Variants in PTPN11 observed in about 807,000 individuals in gnomAD.
The protein encoded by PTPN11 is protein tyrosine phosphatase non-receptor type 11.
PTPN11 carries 6 observed loss-of-function variants against 78.8 expected under a neutral mutation model. That is an observed-to-expected ratio of 0.08 (90% CI 0.04 to 0.15). PTPN11 has a LOEUF of 0.15. PTPN11 is among the 10% of genes least tolerant of loss of function. The pLI is 1.00. For synonymous variants in PTPN11, 221 were observed against 263.5 expected, an observed-to-expected ratio of 0.84 and a Z score of 1.56; for missense variants, 386 against 744.8, an observed-to-expected ratio of 0.52 and a Z score of 5.61.
chr12:112,469,413 GATA>G (rs959737649), intron 6 of PTPN11, among the ~76,000 whole-genome samples: 2 of 151,316 alleles, frequency 1.3e-5, no homozygotes, highest in Non-Finnish European at 2.9e-5. Flanking sequence ...GGTAGAATTT[GATA>G]ATATTTCATT....
rs766030597 is a variant in PTPN11, at chr12:112,504,657, C to T, written c.1713-38C>T. Reference sequence around the variant, plus strand: ...ATGTAAGCTTAAACAGCGTGGTCTACATTTTTGTAAATGTCTTTCTTTTTC... The same window carrying T: ...ATGTAAGCTTAAACAGCGTGGTCTATATTTTTGTAAATGTCTTTCTTTTTC... On this transcript the variant is annotated intron_variant, in intron 14 of 15. Coordinates refer to ENST00000351677, the MANE Select transcript of PTPN11 (RefSeq NM_002834.5). This position sits in a 1 kb window ranked among gnomAD's most constrained non-coding sequence, Gnocchi z 4.7. 6.8e-7 allele frequency: 1 copy of T among 1,469,406 alleles called. No homozygotes were observed. The highest frequency in any genetic ancestry group is 1.2e-5 in the South Asian group (1 of 86,236). 91.0% of individuals were successfully genotyped at this position (1,469,406 alleles called of 1,614,324 possible). A position where few individuals can be genotyped will look rare whatever the true frequency, so the allele number is the denominator to read the frequency against.
chr12:112,450,672 A>T (rs986693078), intron 3 of PTPN11, among the ~76,000 whole-genome samples, 160 bp downstream of exon 3: 1 of 152,192 alleles, frequency 6.6e-6, no homozygotes, highest in African/African-American at 2.4e-5. Context: ...TAATAGCATC[A>T]AATTATTTTC....
At chr12:112,421,709 C>T (rs1375484047) in intron 1 of PTPN11, among the ~76,000 whole-genome samples, 1 of 152,004 alleles carries the variant, frequency 6.6e-6, no homozygotes, top group Non-Finnish European at 1.5e-5. Flanking sequence ...ATCACTGCAG[C>T]CTTGTTTTCC....
chr12:112,476,125 A>G (rs749059602), intron 7 of PTPN11, among the ~76,000 whole-genome samples: 65 of 152,228 alleles, frequency 4.3e-4, no homozygotes, highest in Non-Finnish European at 6.6e-4. Flanking sequence ...TTCTATGTCT[A>G]AGTTGTGACA....
intron 1 of PTPN11, among the ~76,000 whole-genome samples, chr12:112,426,263 T>C (rs1016508166): frequency 6.6e-6 from 1 of 152,218 alleles, no homozygotes; most frequent in African/African-American, 2.4e-5. Context: ...TAAACTCTTT[T>C]TTTTTTCTTT....
chr12:112,419,187 C>A, intron 1 of PTPN11, 62 bp downstream of exon 1: 1 of 1,407,694 alleles, frequency 7.1e-7, no homozygotes, highest in Non-Finnish European at 9.2e-7. Flanking sequence ...TTCGGTTAGC[C>A]CCGTCCGGAA....
intron 6 of PTPN11, among the ~76,000 whole-genome samples, chr12:112,458,862 G>C (rs972829423): frequency 1.3e-5 from 2 of 151,988 alleles, no homozygotes; most frequent in Admixed American, 1.3e-4. Flanking sequence ...GTAAAACCCC[G>C]TCTCTACAAA....
intron 7 of PTPN11, among the ~76,000 whole-genome samples, chr12:112,474,406 C>T (rs1172506405): frequency 4.6e-5 from 7 of 151,966 alleles, no homozygotes; most frequent in East Asian, 1.9e-4. Context: ...TTTTCTAGGG[C>T]GGGGTCTCCC....
At chr12:112,478,460 G>A (rs557975732) in intron 9 of PTPN11, among the ~76,000 whole-genome samples, 1 of 151,738 alleles carries the variant, frequency 6.6e-6, no homozygotes, top group Non-Finnish European at 1.5e-5. Context: ...GCAGTCATAC[G>A]TGTATTAGAC....
Position 112,504,676 on chromosome 12 carries a change from C to G in PTPN11, c.1713-19C>G. The G allele has an allele frequency of 1.3e-6, 2 of 1,536,266 alleles. No homozygotes were observed. Among genetic ancestry groups the G allele is most frequent in the South Asian group, 2.2e-5 (2 of 88,938 alleles). ...GGTCTACATTTTTGTAAATGTCTTT[C>G]TTTTTCTTTTCTCTCCAGAATGAGA... On this transcript the variant is annotated intron_variant, in intron 14 of 15. Transcript: ENST00000351677. This position sits in a 1 kb window ranked among gnomAD's most constrained non-coding sequence, Gnocchi z 4.7.
chr12:112,452,709 G>T (rs1355166391), intron 3 of PTPN11, among the ~76,000 whole-genome samples: 2 of 151,996 alleles, frequency 1.3e-5, no homozygotes, highest in African/African-American at 2.4e-5. Context: ...TAATTGTTTT[G>T]TGAAGATGGG....
At chr12:112,472,027 G>A (rs2038426143) in intron 6 of PTPN11, among the ~76,000 whole-genome samples, 1 of 152,066 alleles carries the variant, frequency 6.6e-6, no homozygotes, top group African/African-American at 2.4e-5. Flanking sequence ...ATGTCAGGCT[G>A]ACATGTTTTG....
chr12:112,475,763 C>T (rs574980644), intron 7 of PTPN11, among the ~76,000 whole-genome samples: 1 of 152,222 alleles, frequency 6.6e-6, no homozygotes, highest in East Asian at 1.9e-4. Flanking sequence ...TAGTCTTTCT[C>T]TTTCTGCATG....
intron 13 of PTPN11, among the ~76,000 whole-genome samples, chr12:112,497,312 T>G (rs1355818888): frequency 6.6e-6 from 1 of 152,206 alleles, no homozygotes; most frequent in Non-Finnish European, 1.5e-5. Flanking sequence ...ATTTGGCTCC[T>G]CATATTTTAT....
intron 6 of PTPN11, among the ~76,000 whole-genome samples, chr12:112,458,588 C>T (rs1003863170): frequency 6.6e-6 from 1 of 152,204 alleles, no homozygotes; most frequent in Non-Finnish European, 1.5e-5. Context: ...CTCAACATTA[C>T]TGAACAGAGA....
chr12:112,486,280 T>C (rs1336920899), intron 10 of PTPN11, among the ~76,000 whole-genome samples, 195 bp from the exon 11 acceptor site: 1 of 152,136 alleles, frequency 6.6e-6, no homozygotes, highest in Non-Finnish European at 1.5e-5. Context: ...TTGGTTCTTA[T>C]GACAGAGGCA....
In PTPN11 at chr12:112,446,273, A is replaced by G. The variant is rs768240009; in HGVS notation, c.15-3A>G. ...TATTACTTACTTTGTCTTTCTTTTT[A>G]AGATGGTTTCACCCAAATATCACTG... On this transcript the variant is annotated splice_region_variant and splice_polypyrimidine_tract_variant and intron_variant, in intron 1 of 15. Coordinates refer to ENST00000351677, the MANE Select transcript of PTPN11 (RefSeq NM_002834.5). 6.2e-7 allele frequency: 1 copy of G among 1,613,910 alleles called. No homozygotes were observed.
chr12:112,461,873 C>A (rs1380922981), intron 6 of PTPN11, among the ~76,000 whole-genome samples: 1 of 152,116 alleles, frequency 6.6e-6, no homozygotes, highest in African/African-American at 2.4e-5. Flanking sequence ...CCTCATTGAT[C>A]TTACCCATGT....
At chr12:112,448,871 ATG>A (rs1440166613) in intron 2 of PTPN11, among the ~76,000 whole-genome samples, 11 of 151,956 alleles carry the variant, frequency 7.2e-5, no homozygotes, top group African/African-American at 2.7e-4. Flanking sequence ...TTAAAATTAC[ATG>A]TGTCTTTTTA....
Sources: allele counts gnomAD v4.1 joint callset (sites outside exome capture counted in the v4.1 genomes callset), GRCh38; gene constraint gnomAD v4.1.1; non-coding constraint Gnocchi (gnomAD v3.1); transcripts MANE v1.5; gene names NCBI Gene and HGNC (gene_info 2026-07-23, HGNC 2026-07-21).